The following MICU2 variants were observed in gnomAD, a reference collection of about 807,000 sequenced individuals.
MICU2 encodes the protein calcium uptake protein 2, mitochondrial.
A neutral mutation model predicts 60.4 loss-of-function variants in MICU2; 64 were observed. That is an observed-to-expected ratio of 1.06 (90% CI 0.87 to 1.31). The LOEUF (loss-of-function observed/expected upper bound fraction) is 1.31. MICU2 is among the 50% of genes most tolerant of loss of function. The pLI, the probability that MICU2 is intolerant of heterozygous loss-of-function variation, is 0.00. For missense variants in MICU2, 569 were observed against 531.0 expected (o/e 1.07, Z -0.70); for synonymous variants, 201 against 175.0 (o/e 1.15, Z -1.17).
chr13:21,502,066 T>C (rs902270883), intron 9 of MICU2, among the ~76,000 whole-genome samples: 2 of 152,252 alleles, frequency 1.3e-5, no homozygotes, highest in Non-Finnish European at 2.9e-5. Context: ...TTTATAATTC[T>C]AAGACTTTCT....
At chr13:21,563,834 G>T in intron 2 of MICU2, among the ~76,000 whole-genome samples, 1 of 141,936 alleles carries the variant, frequency 7.0e-6, no homozygotes. Flanking sequence ...TTTTGAGTCA[G>T]GGTCTTACTC....
At chr13:21,589,759 A>AT (rs924669096) in intron 1 of MICU2, among the ~76,000 whole-genome samples, 7 of 149,002 alleles carry the variant, frequency 4.7e-5, no homozygotes, top group East Asian at 2.0e-4. Context: ...TGTCATAACC[A>AT]TTTTTCCCAC....
At chr13:21,565,621 G>A (rs1887961961) in intron 2 of MICU2, among the ~76,000 whole-genome samples, 1 of 152,222 alleles carries the variant, frequency 6.6e-6, no homozygotes, top group Non-Finnish European at 1.5e-5. Flanking sequence ...TCGCGCCACT[G>A]CACTCCAGCC....
At chr13:21,581,702 C>G (rs1458695551) in intron 1 of MICU2, among the ~76,000 whole-genome samples, 1 of 152,024 alleles carries the variant, frequency 6.6e-6, no homozygotes, top group African/African-American at 2.4e-5. Context: ...GAATATTTGA[C>G]TCAGTCCCTT....
intron 8 of MICU2, among the ~76,000 whole-genome samples, chr13:21,507,753 G>A (rs1262842487): frequency 6.6e-6 from 1 of 151,810 alleles, no homozygotes; most frequent in African/African-American, 2.4e-5. Flanking sequence ...ACAGATGCCT[G>A]CCACCTCGCC....
intron 8 of MICU2, among the ~76,000 whole-genome samples, chr13:21,506,892 A>G (rs771518512): frequency 5.9e-5 from 9 of 152,230 alleles, no homozygotes; most frequent in Non-Finnish European, 1.2e-4. Flanking sequence ...CCAGAAACAC[A>G]AAAGTATAAG....
chr13:21,575,528 G>A (rs1490859742), intron 1 of MICU2, among the ~76,000 whole-genome samples: 1 of 151,216 alleles, frequency 6.6e-6, no homozygotes, highest in Non-Finnish European at 1.5e-5. Flanking sequence ...TTTGGGACCA[G>A]CCTGGGCAAC....
chr13:21,576,824 T>A (rs1223576406), intron 1 of MICU2, among the ~76,000 whole-genome samples: 1 of 152,152 alleles, frequency 6.6e-6, no homozygotes, highest in African/African-American at 2.4e-5. Context: ...TATACAAAAT[T>A]TGCTTAAATA....
intron 2 of MICU2, 32 bp from the exon 3 acceptor site, chr13:21,539,720 C>CA (rs1295307994): frequency 6.3e-7 from 1 of 1,598,636 alleles, no homozygotes; most frequent in Admixed American, 1.7e-5. Flanking sequence ...ATTTAGTATC[C>CA]ATATTCTTTG....
At chr13:21,562,751 CTATTAT>C (rs536649880) in intron 2 of MICU2, among the ~76,000 whole-genome samples, 1 of 152,102 alleles carries the variant, frequency 6.6e-6, no homozygotes, top group East Asian at 1.9e-4. Context: ...TATTGTGTTG[CTATTAT>C]TATTTTGATT....
intron 6 of MICU2, among the ~76,000 whole-genome samples, chr13:21,520,447 T>TA (rs1886689030): frequency 6.6e-6 from 1 of 152,014 alleles, no homozygotes; most frequent in African/African-American, 2.4e-5. Flanking sequence ...ACAAAGGCTT[T>TA]AAAAAAAATG....
intron 1 of MICU2, among the ~76,000 whole-genome samples, chr13:21,580,893 G>A (rs186265379): frequency 6.6e-6 from 1 of 152,264 alleles, no homozygotes; most frequent in East Asian, 1.9e-4. Context: ...AAAGGTGTCT[G>A]TTCCATTTAT....
intron 1 of MICU2, among the ~76,000 whole-genome samples, chr13:21,595,864 C>T (rs1888681331): frequency 6.6e-6 from 1 of 152,226 alleles, no homozygotes; most frequent in Non-Finnish European, 1.5e-5. Context: ...CTCCTTCAGC[C>T]TATAGGCAGT....
intron 8 of MICU2, among the ~76,000 whole-genome samples, chr13:21,506,702 T>A (rs1886299037): frequency 6.6e-6 from 1 of 152,202 alleles, no homozygotes; most frequent in Non-Finnish European, 1.5e-5. Flanking sequence ...ACCCTCTTCT[T>A]CCTGTCACAA....
rs764913158 is a variant in MICU2, at chr13:21,496,067, G to A, written c.1027C>T (p.Arg343Cys). The A allele has an allele frequency of 5.6e-6, 9 of 1,612,646 alleles. No individual in the cohort carries two copies. The highest frequency in any genetic ancestry group is 5.3e-5 in the African/African-American group (4 of 74,846). The change falls in exon 10 of 12, where the codon CGT becomes TGT. Residue 343 changes from arginine to cysteine, a missense_variant. Coordinates refer to ENST00000382374, the MANE Select transcript of MICU2 (RefSeq NM_152726.3). Reference protein sequence around the residue: ...IAMQMFSLAHRPVRLAEFKRA... With the variant: ...IAMQMFSLAHCPVRLAEFKRA... ...TATAACTTACCTAGTCTGACAGGAC[G>A]ATGAGCTAAACTGAACATCTGCATG...
At chr13:21,601,032 G>C (rs977577702) in intron 1 of MICU2, among the ~76,000 whole-genome samples, 4 of 152,284 alleles carry the variant, frequency 2.6e-5, no homozygotes, top group African/African-American at 9.6e-5. Flanking sequence ...TCCTGACCTC[G>C]TGATCCGCCC....
intron 4 of MICU2, among the ~76,000 whole-genome samples, chr13:21,527,224 T>C (rs956722353): frequency 6.6e-6 from 1 of 152,222 alleles, no homozygotes; most frequent in Non-Finnish European, 1.5e-5. Flanking sequence ...AGAAGTGCTC[T>C]AATGTTAGCT....
chr13:21,580,152 C>T (rs1003008195), intron 1 of MICU2, among the ~76,000 whole-genome samples: 4 of 152,158 alleles, frequency 2.6e-5, no homozygotes, highest in Non-Finnish European at 5.9e-5. Flanking sequence ...ATCTTAACCT[C>T]AAGCACAGGA....
chr13:21,493,414 T>C lies in MICU2; in HGVS notation c.1201-61A>G, dbSNP rs1361910328. 2.5e-6 allele frequency: 3 copies of C among 1,186,500 alleles called. No individual in the cohort carries two copies. The African/African-American group carries it at 4.7e-5, about 18-fold the overall frequency. The allele number at this position is 1,186,500 out of a possible 1,614,324, so 73.5% of individuals were successfully genotyped here. A position where few individuals can be genotyped will look rare whatever the true frequency, so the allele number is the denominator to read the frequency against. ...CTTCAAGGTTAAACATGATTTCATA[T>C]ATACTTTACGTTACTGTTTATTTCC... On this transcript the variant is annotated intron_variant, in intron 11 of 11. Coordinates refer to ENST00000382374, the MANE Select transcript of MICU2 (RefSeq NM_152726.3).
Sources: allele counts gnomAD v4.1 joint callset (sites outside exome capture counted in the v4.1 genomes callset), GRCh38; gene constraint gnomAD v4.1.1; transcripts MANE v1.5; gene names NCBI Gene and HGNC (gene_info 2026-07-23, HGNC 2026-07-21).